Variants in SEZ6L observed in about 807,000 individuals in gnomAD.
SEZ6L encodes seizure related 6 homolog like, also known as seizure 6-like protein.
In SEZ6L, 37 loss-of-function variants were observed where a neutral mutation model predicts 106.2. That is an observed-to-expected ratio of 0.35 (90% CI 0.27 to 0.46). SEZ6L has a LOEUF of 0.46. Ranked by LOEUF, SEZ6L falls within the 20% of genes least tolerant of loss-of-function variation. The pLI is 1.00. For missense variants in SEZ6L, 1,172 were observed against 1,332.8 expected, an observed-to-expected ratio of 0.88 and a Z score of 1.88; for synonymous variants, 541 against 570.4, an observed-to-expected ratio of 0.95 and a Z score of 0.73.
At position 26,382,172 on chromosome 22, in the gene SEZ6L, C is replaced by A; in HGVS notation, c.*1877C>A. Reference sequence around the variant, plus strand: ...AAAGGCTGCTTTCCAGGACCCAAAGCCCCATTTAATGCAAGAACCAGAGAA... The same window carrying A: ...AAAGGCTGCTTTCCAGGACCCAAAGACCCATTTAATGCAAGAACCAGAGAA... On this transcript the variant is annotated 3_prime_UTR_variant, in exon 17 of 17. Coordinates refer to ENST00000248933, the MANE Select transcript of SEZ6L (RefSeq NM_021115.5). 1 of 402,738 alleles carries A rather than the reference C, an allele frequency of 2.5e-6. No individual in the cohort carries two copies. Among genetic ancestry groups the A allele is most frequent in the Non-Finnish European group, 4.9e-6 (1 of 202,570 alleles). 24.9% of individuals were successfully genotyped at this position (402,738 alleles called of 1,614,324 possible).
At chr22:26,369,338 G>GTCCTTTTTTTTTTTTTTTT (rs2083927308) in intron 13 of SEZ6L, among the ~76,000 whole-genome samples, 3 of 83,618 alleles carry the variant, frequency 3.6e-5, no homozygotes, top group African/African-American at 2.2e-4. Flanking sequence ...TATATAAGCA[G>GTCCTTTTTTTTTTTTTTTT]TTCTTTTGTT....
chr22:26,368,754 A>AAAC (rs2083903396), intron 13 of SEZ6L, among the ~76,000 whole-genome samples: 1 of 151,820 alleles, frequency 6.6e-6, no homozygotes, highest in Non-Finnish European at 1.5e-5. Context: ...CTAAAAAAAA[A>AAAC]AACAATTCCC....
intron 13 of SEZ6L, 92 bp from the exon 14 acceptor site, chr22:26,373,359 A>G: frequency 9.2e-7 from 1 of 1,086,416 alleles, no homozygotes; most frequent in Non-Finnish European, 1.4e-6. Flanking sequence ...AAAGCATGGC[A>G]TGGGCTTTTG....
chr22:26,215,248 T>A (rs2078267975), intron 1 of SEZ6L, among the ~76,000 whole-genome samples: 1 of 152,204 alleles, frequency 6.6e-6, no homozygotes, highest in Admixed American at 6.5e-5. Flanking sequence ...AATTTTAGGT[T>A]CACTAGGTAT....
At chr22:26,280,234 G>C (rs539851477) in intron 1 of SEZ6L, among the ~76,000 whole-genome samples, 2 of 151,480 alleles carry the variant, frequency 1.3e-5, no homozygotes, top group East Asian at 3.9e-4. Context: ...TTTTGAATAA[G>C]TAAGTCTCCC....
At chr22:26,171,140 G>A (rs1277836413) in intron 1 of SEZ6L, among the ~76,000 whole-genome samples, 1 of 152,168 alleles carries the variant, frequency 6.6e-6, no homozygotes, top group Non-Finnish European at 1.5e-5. Flanking sequence ...GCAGAGCAAA[G>A]GAAATTGTTC....
chr22:26,232,567 C>T (rs149193535), intron 1 of SEZ6L, among the ~76,000 whole-genome samples: 107 of 152,298 alleles, frequency 7.0e-4, no homozygotes, highest in Non-Finnish European at 1.1e-3. Flanking sequence ...ATATTTTCAC[C>T]GCACCTTTTT....
At chr22:26,322,594 G>A (rs186381347) in intron 9 of SEZ6L, among the ~76,000 whole-genome samples, 159 of 152,336 alleles carry the variant, frequency 1.0e-3, no homozygotes, top group African/African-American at 3.5e-3. Flanking sequence ...CAGTTGCCCG[G>A]AGTTAATGGG....
intron 1 of SEZ6L, among the ~76,000 whole-genome samples, chr22:26,257,439 C>G (rs1482170254): frequency 3.3e-5 from 5 of 152,176 alleles, no homozygotes; most frequent in Non-Finnish European, 5.9e-5. Context: ...ACTCCTAATT[C>G]CTGTCTATTA....
chr22:26,175,117 T>C (rs950702062), intron 1 of SEZ6L, among the ~76,000 whole-genome samples: 1 of 152,210 alleles, frequency 6.6e-6, no homozygotes, highest in African/African-American at 2.4e-5. Flanking sequence ...CAGATTCTGA[T>C]GGTTCATAGG....
At chr22:26,215,886 A>C (rs767445202) in intron 1 of SEZ6L, among the ~76,000 whole-genome samples, 11 of 152,174 alleles carry the variant, frequency 7.2e-5, no homozygotes, top group Non-Finnish European at 1.5e-4. Flanking sequence ...TTATCTACAG[A>C]GCAGTGTGAA....
At chr22:26,228,394 C>T (rs2078698137) in intron 1 of SEZ6L, among the ~76,000 whole-genome samples, 1 of 152,136 alleles carries the variant, frequency 6.6e-6, no homozygotes, top group Non-Finnish European at 1.5e-5. Context: ...GATAAGGCTA[C>T]AATCCACACC....
chr22:26,242,702 A>T (rs1216454085), intron 1 of SEZ6L: 1 of 152,228 alleles, frequency 6.6e-6, no homozygotes, highest in Admixed American at 6.5e-5. Flanking sequence ...ATAGCACTGT[A>T]CACATAGTGG....
intron 1 of SEZ6L, among the ~76,000 whole-genome samples, chr22:26,200,034 A>T (rs973485669): frequency 1.3e-5 from 2 of 152,236 alleles, no homozygotes; most frequent in Admixed American, 6.5e-5. Flanking sequence ...TACGTAGTTA[A>T]GCTACTGAGC....
chr22:26,295,858 GTAGAA>G (rs774635540), intron 3 of SEZ6L, among the ~76,000 whole-genome samples: 38 of 152,164 alleles, frequency 2.5e-4, no homozygotes, highest in Non-Finnish European at 4.6e-4. Context: ...AGAGGTTGTT[GTAGAA>G]TCGCAGCAAA....
intron 1 of SEZ6L, among the ~76,000 whole-genome samples, chr22:26,206,013 CT>C (rs1171130215): frequency 1.3e-5 from 2 of 152,112 alleles, no homozygotes; most frequent in African/African-American, 4.8e-5. Flanking sequence ...CTAAAAGAGC[CT>C]GCAATGTGTC....
intron 1 of SEZ6L, among the ~76,000 whole-genome samples, chr22:26,273,506 G>C (rs1230787927): frequency 6.6e-6 from 1 of 152,274 alleles, no homozygotes; most frequent in Non-Finnish European, 1.5e-5. Context: ...CATTGTTCTT[G>C]TTGGCTGCGA....
chr22:26,279,849 C>T (rs137193), intron 1 of SEZ6L, among the ~76,000 whole-genome samples: 60,000 of 151,976 alleles, frequency 0.39, 13,032 homozygotes, highest in African/African-American at 0.56. Context: ...GATTTCCCTG[C>T]TCCCCACGGA....
intron 1 of SEZ6L, among the ~76,000 whole-genome samples, chr22:26,201,469 G>A (rs1940954066): frequency 6.6e-6 from 1 of 152,006 alleles, no homozygotes; most frequent in South Asian, 2.1e-4. Flanking sequence ...GCTGAGGCAG[G>A]AGAACGGCTT....
Sources: gnomAD v4.1 joint callset for allele counts (sites outside exome capture counted in the v4.1 genomes callset) on GRCh38, gnomAD v4.1.1 for gene constraint, MANE v1.5 for transcripts, NCBI Gene and HGNC (gene_info 2026-07-23, HGNC 2026-07-21) for gene names.